KIF23: variants seen among roughly 807,000 people sequenced by gnomAD.
KIF23 encodes the protein kinesin family member 23.
Under a neutral mutation model 137.5 loss-of-function variants are expected in KIF23, and 30 were observed. The ratio of observed to expected loss-of-function variants is 0.22; its 90% confidence interval spans 0.16 to 0.30. The LOEUF (loss-of-function observed/expected upper bound fraction) is 0.30. KIF23 is among the 10% of genes least tolerant of loss of function. KIF23 has a pLI of 1.00. For missense variants in KIF23, 920 were observed against 1,194.3 expected (o/e 0.77, Z 3.38); for synonymous variants, 367 against 391.1 (o/e 0.94, Z 0.73).
chr15:69,427,826 A>G (rs369429052), intron 10 of KIF23, among the ~76,000 whole-genome samples: 49 of 152,328 alleles, frequency 3.2e-4, no homozygotes, highest in East Asian at 2.9e-3. Flanking sequence ...CAGGATTTGA[A>G]TGCTCATTTC....
chr15:69,426,794 G>T, intron 10 of KIF23: 1 of 230,052 alleles, frequency 4.3e-6, no homozygotes, highest in South Asian at 7.4e-5. Flanking sequence ...TTGGTTCTCT[G>T]TATCTGTGAG....
chr15:69,417,050 T>C (rs8025006), intron 2 of KIF23, among the ~76,000 whole-genome samples: 1 of 152,198 alleles, frequency 6.6e-6, no homozygotes, highest in Admixed American at 6.5e-5. Context: ...CTAACAGTTT[T>C]AAAAATCTCG....
At chr15:69,442,928 A>C in intron 19 of KIF23, among the ~76,000 whole-genome samples, 1 of 152,198 alleles carries the variant, frequency 6.6e-6, no homozygotes, top group East Asian at 1.9e-4. Context: ...AAAAATTTAA[A>C]TATTTGTTTC....
rs1414741416 is a variant in KIF23 at position 69,444,686 on chromosome 15, C to T, written c.2422-104C>T. The T allele has an allele frequency of 7.0e-6, 8 of 1,148,058 alleles. No individual in the cohort carries two copies. Among genetic ancestry groups the T allele is most frequent in the Non-Finnish European group, 9.8e-6 (8 of 820,400 alleles). 71.1% of individuals were successfully genotyped at this position (1,148,058 alleles called of 1,614,324 possible). A position where few individuals can be genotyped will look rare whatever the true frequency, so the allele number is the denominator to read the frequency against. ...TAAATTACTTGAATAAAATATTTAG[C>T]TTTGGAAAGGTTTGCTATGATACTG... On this transcript the variant is annotated intron_variant, in intron 19 of 23. Transcript: ENST00000679126. The surrounding 1 kb of genome is among the most constrained non-coding windows in gnomAD (Gnocchi z 4.2).
intron 4 of KIF23, 85 bp from the exon 5 acceptor site, chr15:69,421,903 CTAAT>C: frequency 6.6e-7 from 1 of 1,509,348 alleles, no homozygotes; most frequent in Non-Finnish European, 9.0e-7. Flanking sequence ...TTTGAGCTGG[CTAAT>C]TGTTAGTGTT....
intron 11 of KIF23, among the ~76,000 whole-genome samples, chr15:69,433,046 C>T (rs2057393546): frequency 2.0e-5 from 3 of 152,158 alleles, no homozygotes; most frequent in African/African-American, 7.2e-5. Context: ...AGGTTAAGAA[C>T]CCCTGACCAC....
At chr15:69,422,977 T>C in intron 6 of KIF23, 182 bp from the exon 7 acceptor site, 1 of 455,554 alleles carries the variant, frequency 2.2e-6, no homozygotes, top group Non-Finnish European at 3.9e-6. Context: ...ATTTGTATTT[T>C]TAGTAGAGAC....
intron 2 of KIF23, 122 bp from the exon 3 acceptor site, chr15:69,417,261 A>G: frequency 1.1e-6 from 1 of 872,516 alleles, no homozygotes; most frequent in Admixed American, 2.9e-5. Context: ...GCCCTTGGAG[A>G]TACAGAGCTC....
rs752931913 is a variant in KIF23, at chr15:69,435,746, A to C, written c.1289A>C (p.Lys430Thr). Residue 430 changes from lysine to threonine, a missense_variant, in exon 13 of 24, where the codon AAG (lysine) becomes ACG (threonine). Coordinates refer to ENST00000679126, the MANE Select transcript of KIF23 (RefSeq NM_001367805.3). ...KVRMIVCVNP[K>T]AEDYEENLQV... ...CGGATGATCGTGTGTGTGAACCCCA[A>C]GGCTGAAGATTATGAAGAAAACTTG... 1.2e-6 allele frequency: 2 copies of C among 1,614,202 alleles called. No individual in the cohort carries two copies. Among genetic ancestry groups the C allele is most frequent in the Non-Finnish European group, 8.5e-7 (1 of 1,180,052 alleles).
intron 10 of KIF23, among the ~76,000 whole-genome samples, chr15:69,427,131 A>G (rs752148470): frequency 2.0e-5 from 3 of 152,192 alleles, no homozygotes; most frequent in Non-Finnish European, 2.9e-5. Flanking sequence ...AAAAAATAAA[A>G]TAAGGCTAAA....
chr15:69,437,596 G>T (rs1316340561), intron 15 of KIF23, among the ~76,000 whole-genome samples: 1 of 151,672 alleles, frequency 6.6e-6, no homozygotes, highest in Non-Finnish European at 1.5e-5. Context: ...GAGTAGCTGG[G>T]ATTATAGGTG....
Position 69,447,890 on chromosome 15 carries a change from CA to C in KIF23, c.*84del. 7.0e-7 allele frequency: 1 copy of C among 1,420,608 alleles called. No homozygotes were observed. The highest frequency in any genetic ancestry group is 9.9e-7 in the Non-Finnish European group (1 of 1,010,288). The allele number at this position is 1,420,608 out of a possible 1,614,324, so 88.0% of individuals were successfully genotyped here. A position where few individuals can be genotyped will look rare whatever the true frequency, so the allele number is the denominator to read the frequency against. On this transcript the variant is annotated 3_prime_UTR_variant, in exon 24 of 24. Transcript: ENST00000679126. ...CCATGCCAGAAGCAGTCTTCCAGGT[CA>C]TCTTGTAGAACTCCAGCTTTGTTGA...
intron 1 of KIF23, among the ~76,000 whole-genome samples, 182 bp from the exon 2 acceptor site, chr15:69,415,812 A>G (rs550650474): frequency 6.6e-6 from 1 of 152,292 alleles, no homozygotes; most frequent in African/African-American, 2.4e-5. Context: ...TTACTTTTGG[A>G]TTACGCATGC....
In KIF23 at chr15:69,446,779, C is replaced by G. The variant is rs770569811; in HGVS notation, c.2839-92C>G. ...TTTGCTGAACTAGAAAGCAATATTGCATTTCACCTAGGTGTGGAGCCTGCT... is the reference window on the plus strand; with the variant it reads ...TTTGCTGAACTAGAAAGCAATATTGGATTTCACCTAGGTGTGGAGCCTGCT... On this transcript the variant is annotated intron_variant, in intron 22 of 23. Coordinates refer to ENST00000679126, the MANE Select transcript of KIF23 (RefSeq NM_001367805.3). 1.4e-5 allele frequency: 15 copies of G among 1,101,296 alleles called. No homozygotes were observed. In the South Asian group the frequency reaches 1.9e-4, roughly 14 times the overall value. 68.2% of individuals were successfully genotyped at this position (1,101,296 alleles called of 1,614,324 possible). A position where few individuals can be genotyped will look rare whatever the true frequency, so the allele number is the denominator to read the frequency against.
At chr15:69,432,434 G>A (rs1265436209) in intron 11 of KIF23, among the ~76,000 whole-genome samples, 1 of 152,154 alleles carries the variant, frequency 6.6e-6, no homozygotes, top group Admixed American at 6.5e-5. Context: ...CATGTAGGAG[G>A]AATATTTCAA....
In KIF23 at chr15:69,438,375, G is replaced by A; in HGVS notation, c.1725G>A (p.Leu575=). 6.2e-7 allele frequency: 1 copy of A among 1,606,534 alleles called. No homozygotes were observed. The highest frequency in any genetic ancestry group is 8.5e-7 in the Non-Finnish European group (1 of 1,178,102). Reference sequence around the variant, plus strand: ...GACAGAAATTGGAAATAGAACGACTGGAAAAGAAAAACAAAACTTTAGAAT... The same window carrying A: ...GACAGAAATTGGAAATAGAACGACTAGAAAAGAAAAACAAAACTTTAGAAT... ...ISGQKLEIER[L]EKKNKTLEYK... is the part of the protein sequence containing the mutation. The change falls in exon 16 of 24, where the codon CTG becomes CTA. Residue 575 remains leucine, a synonymous_variant. Transcript: ENST00000679126.
At chr15:69,420,246 A>G (rs2057020838) in intron 3 of KIF23, among the ~76,000 whole-genome samples, 1 of 152,058 alleles carries the variant, frequency 6.6e-6, no homozygotes, top group East Asian at 1.9e-4. Context: ...CCTGGGTGAC[A>G]GAGTGAGACT....
chr15:69,418,211 C>A (rs2056967511), intron 3 of KIF23, among the ~76,000 whole-genome samples: 1 of 152,142 alleles, frequency 6.6e-6, no homozygotes, highest in South Asian at 2.1e-4. Flanking sequence ...CTACCAGTGG[C>A]CTCTTTGCTG....
intron 10 of KIF23, chr15:69,427,238 G>A (rs2057220164): frequency 5.8e-6 from 2 of 346,186 alleles, no homozygotes; most frequent in Non-Finnish European, 1.1e-5. Flanking sequence ...CAAGATTTGA[G>A]CATCCATGGA....
Sources: allele counts gnomAD v4.1 joint callset (sites outside exome capture counted in the v4.1 genomes callset), GRCh38; gene constraint gnomAD v4.1.1; non-coding constraint Gnocchi (gnomAD v3.1); transcripts MANE v1.5; gene names NCBI Gene and HGNC (gene_info 2026-07-23, HGNC 2026-07-21).